Variants in GRIK4 observed in about 807,000 individuals in gnomAD.
GRIK4 encodes glutamate ionotropic receptor kainate type subunit 4, also known as glutamate receptor ionotropic, kainate 4.
GRIK4 carries 40 observed loss-of-function variants against 104.9 expected under a neutral mutation model. The observed-to-expected ratio is 0.38, with a 90% CI of 0.30 to 0.50. The LOEUF (loss-of-function observed/expected upper bound fraction) is 0.50. Ranked by LOEUF, GRIK4 falls within the 20% of genes least tolerant of loss-of-function variation. GRIK4 has a pLI of 0.93. For missense variants in GRIK4, 1,047 were observed against 1,308.1 expected, an observed-to-expected ratio of 0.80 and a Z score of 3.08; for synonymous variants, 485 against 524.9, an observed-to-expected ratio of 0.92 and a Z score of 1.04.
chr11:120,708,530 G>A (rs61901380), intron 3 of GRIK4, among the ~76,000 whole-genome samples: 37,556 of 151,938 alleles, frequency 0.25, 6,330 homozygotes, highest in African/African-American at 0.48. Context: ...AGGCTGGTCA[G>A]TATGGGTATT....
At chr11:120,698,204 C>A (rs1950488462) in intron 3 of GRIK4, among the ~76,000 whole-genome samples, 1 of 152,034 alleles carries the variant, frequency 6.6e-6, no homozygotes, top group African/African-American at 2.4e-5. Context: ...TATTTAATGT[C>A]CTAAATATAA....
intron 11 of GRIK4, among the ~76,000 whole-genome samples, chr11:120,880,592 G>C (rs951433062): frequency 6.6e-6 from 1 of 152,202 alleles, no homozygotes; most frequent in Non-Finnish European, 1.5e-5. Context: ...GGACCTTCAA[G>C]CCTTTCATGG....
chr11:120,767,646 CT>C (rs1951863284), intron 3 of GRIK4, among the ~76,000 whole-genome samples: 1 of 152,084 alleles, frequency 6.6e-6, no homozygotes. Flanking sequence ...GGAGCTTTTT[CT>C]TTGTGATCTT....
At chr11:120,874,370 T>C in intron 10 of GRIK4, 152 bp downstream of exon 10, 1 of 636,324 alleles carries the variant, frequency 1.6e-6, no homozygotes, top group African/African-American at 1.8e-5. Context: ...GTGACCCCAG[T>C]TGAATGGATC....
intron 13 of GRIK4, among the ~76,000 whole-genome samples, chr11:120,907,784 G>C (rs1444665312): frequency 6.6e-6 from 1 of 152,180 alleles, no homozygotes; most frequent in Non-Finnish European, 1.5e-5. Context: ...GTAGGGGGAA[G>C]GCTTCCCTTG....
In GRIK4 at chr11:120,690,568, G is replaced by C. The variant is rs1950342321; in HGVS notation, c.82+30168G>C. On this transcript the variant is annotated intron_variant, in intron 3 of 20. Transcript: ENST00000527524. ...GGCAGCTGGAGCCAGGGCCCTACCT[G>C]TCATGAATTGGAAGCCGGGTAACAG... is the stretch of plus-strand genomic sequence containing the variant. Among the ~76,000 whole-genome samples, 3 of 152,232 alleles carry C rather than the reference G, an allele frequency of 2.0e-5. No homozygotes were observed. The South Asian group carries it at 6.2e-4, about 32-fold the overall frequency.
At chr11:120,963,973 T>G in intron 18 of GRIK4, among the ~76,000 whole-genome samples, 1 of 26,518 alleles carries the variant, frequency 3.8e-5, no homozygotes, top group African/African-American at 2.1e-4. Context: ...ATGTTTTTAT[T>G]TATTTATTTA....
intron 3 of GRIK4, among the ~76,000 whole-genome samples, chr11:120,783,127 G>GC (rs905887670): frequency 4.6e-5 from 7 of 152,136 alleles, no homozygotes; most frequent in East Asian, 1.9e-4. Context: ...GCAGACAGCA[G>GC]CCCCCCCACA....
chr11:120,842,438 A>G (rs1953741203), intron 8 of GRIK4, among the ~76,000 whole-genome samples: 2 of 152,376 alleles, frequency 1.3e-5, no homozygotes, highest in South Asian at 2.1e-4. Flanking sequence ...AAGCTGGGAA[A>G]GGTAGTCTAG....
At chr11:120,566,727 C>T (rs1272216318) in intron 1 of GRIK4, among the ~76,000 whole-genome samples, 3 of 141,704 alleles carry the variant, frequency 2.1e-5, no homozygotes, top group Non-Finnish European at 4.5e-5. Flanking sequence ...TTTTTTGAGA[C>T]GGCGTCTCAC....
intron 3 of GRIK4, among the ~76,000 whole-genome samples, chr11:120,742,493 T>G (rs1951351700): frequency 6.6e-6 from 1 of 150,688 alleles, no homozygotes; most frequent in Non-Finnish European, 1.5e-5. Flanking sequence ...TCTCACACGT[T>G]TCAGAATGGC....
In GRIK4 at chr11:120,957,000, C is replaced by T. The variant is rs1471990298; in HGVS notation, c.1874+47C>T. The T allele has an allele frequency of 1.4e-6, 2 of 1,472,238 alleles. No individual in the cohort carries two copies. Among genetic ancestry groups the T allele is most frequent in the Non-Finnish European group, 1.8e-6 (2 of 1,094,488 alleles). 91.2% of individuals were successfully genotyped at this position (1,472,238 alleles called of 1,614,324 possible). ...AACCAGGCCAGGTGGGGTGGGGACACAAAAGGGGCCCTCTGATAAGCCGGC... is the reference window on the plus strand; with the variant it reads ...AACCAGGCCAGGTGGGGTGGGGACATAAAAGGGGCCCTCTGATAAGCCGGC... On this transcript the variant is annotated intron_variant, in intron 16 of 20. Transcript: ENST00000527524. The surrounding 1 kb of genome is among the most constrained non-coding windows in gnomAD (Gnocchi z 4.6).
At chr11:120,968,263 C>G (rs1014062405) in intron 19 of GRIK4, among the ~76,000 whole-genome samples, 4 of 152,198 alleles carry the variant, frequency 2.6e-5, no homozygotes, top group African/African-American at 9.7e-5. Context: ...AGTCTTGTTT[C>G]TATCTATTGT....
chr11:120,951,047 A>C (rs1943988834), intron 14 of GRIK4, among the ~76,000 whole-genome samples: 1 of 152,208 alleles, frequency 6.6e-6, no homozygotes, highest in Non-Finnish European at 1.5e-5. Context: ...AATACTGTGA[A>C]AGAAAAACAG....
intron 1 of GRIK4, among the ~76,000 whole-genome samples, chr11:120,572,218 G>A (rs1487194763): frequency 6.6e-6 from 1 of 152,112 alleles, no homozygotes; most frequent in Non-Finnish European, 1.5e-5. Context: ...CCACCCTCCT[G>A]ATCTAGTCAC....
chr11:120,701,089 G>C (rs1017639153), intron 3 of GRIK4, among the ~76,000 whole-genome samples: 4 of 152,156 alleles, frequency 2.6e-5, no homozygotes, highest in Non-Finnish European at 5.9e-5. Context: ...AAGTCACTCT[G>C]TGATGTTCAC....
At chr11:120,684,216 G>A (rs1243153835) in intron 3 of GRIK4, among the ~76,000 whole-genome samples, 1 of 152,160 alleles carries the variant, frequency 6.6e-6, no homozygotes, top group East Asian at 1.9e-4. Context: ...CCAGCTATTT[G>A]GGAGGCTGAG....
chr11:120,927,576 A>G (rs930394251), intron 13 of GRIK4, among the ~76,000 whole-genome samples: 1 of 150,516 alleles, frequency 6.6e-6, no homozygotes, highest in Non-Finnish European at 1.5e-5. Context: ...AAAAAAAAAA[A>G]AAAAAAAAAA....
At chr11:120,865,706 G>A (rs1190760976) in intron 9 of GRIK4, among the ~76,000 whole-genome samples, 1 of 151,188 alleles carries the variant, frequency 6.6e-6, no homozygotes, top group African/African-American at 2.5e-5. Context: ...CCCTTTTAGA[G>A]GAAAAAAAAT....
Sources: gnomAD v4.1 joint callset for allele counts (sites outside exome capture counted in the v4.1 genomes callset) on GRCh38, gnomAD v4.1.1 for gene constraint, Gnocchi (gnomAD v3.1) non-coding constraint, MANE v1.5 for transcripts, NCBI Gene and HGNC (gene_info 2026-07-23, HGNC 2026-07-21) for gene names.